The following FBXL17 variants were observed in gnomAD, a reference collection of about 807,000 sequenced individuals.
FBXL17 encodes F-box and leucine rich repeat protein 17.
FBXL17 carries 22 observed loss-of-function variants against 66.2 expected under a neutral mutation model. That is an observed-to-expected ratio of 0.33 (90% CI 0.24 to 0.47). The LOEUF (loss-of-function observed/expected upper bound fraction) is 0.47. Among genes scored for constraint, FBXL17 ranks in the 20% least tolerant of loss-of-function variants. The pLI is 1.00. For missense variants in FBXL17, 878 were observed against 948.2 expected, an observed-to-expected ratio of 0.93 and a Z score of 0.97; for synonymous variants, 474 against 400.5, an observed-to-expected ratio of 1.18 and a Z score of -2.19.
chr5:108,073,018 T>A (rs1332295887), intron 6 of FBXL17, among the ~76,000 whole-genome samples: 2 of 152,204 alleles, frequency 1.3e-5, no homozygotes, highest in Non-Finnish European at 2.9e-5. Context: ...CACATATTTT[T>A]ACCTCAGGAT....
In FBXL17 at chr5:108,314,761, T is replaced by G. The variant is rs548565079; in HGVS notation, c.1506+33638A>C. On this transcript the variant is annotated intron_variant, in intron 4 of 8. Transcript: ENST00000542267. ...AAGAAAGTTATTAAAGTCCTAAGAT[T>G]TATACTACTACTATCCTATGTTTAT... Among the ~76,000 whole-genome samples the G allele has an allele frequency of 1.1e-4, 16 of 151,596 alleles. No homozygotes were observed. The South Asian group carries it at 3.3e-3, about 31-fold the overall frequency.
intron 4 of FBXL17, among the ~76,000 whole-genome samples, chr5:108,300,647 A>G (rs1479812371): frequency 6.6e-6 from 1 of 151,824 alleles, no homozygotes; most frequent in Non-Finnish European, 1.5e-5. Flanking sequence ...GAAAACCTGG[A>G]GGGCAGCTTC....
chr5:108,294,623 C>T (rs1395850764), intron 4 of FBXL17, among the ~76,000 whole-genome samples: 1 of 152,070 alleles, frequency 6.6e-6, no homozygotes, highest in Non-Finnish European at 1.5e-5. Flanking sequence ...TTAACTCTCT[C>T]TCTCTTCTCT....
At chr5:108,254,344 G>A (rs921549152) in intron 4 of FBXL17, among the ~76,000 whole-genome samples, 1 of 152,162 alleles carries the variant, frequency 6.6e-6, no homozygotes, top group Non-Finnish European at 1.5e-5. Context: ...TTTTAGAGGA[G>A]ACAAGAAAGC....
At chr5:108,198,099 T>C (rs1295488277) in intron 5 of FBXL17, among the ~76,000 whole-genome samples, 2 of 152,114 alleles carry the variant, frequency 1.3e-5, no homozygotes, top group Non-Finnish European at 2.9e-5. Flanking sequence ...GATTCTCTAA[T>C]ATGTGGAGAA....
chr5:107,956,727 T>A (rs1397771420), intron 7 of FBXL17, among the ~76,000 whole-genome samples: 1 of 152,086 alleles, frequency 6.6e-6, no homozygotes, highest in Non-Finnish European at 1.5e-5. Context: ...CAGCAGCCAA[T>A]AAAAGAAACT....
chr5:108,093,348 C>T (rs1749256830), intron 6 of FBXL17, among the ~76,000 whole-genome samples: 1 of 151,484 alleles, frequency 6.6e-6, no homozygotes, highest in Non-Finnish European at 1.5e-5. Flanking sequence ...CCCTTGAGTT[C>T]TATAAGAAAA....
At chr5:108,301,500 A>G (rs536896869) in intron 4 of FBXL17, among the ~76,000 whole-genome samples, 4 of 151,872 alleles carry the variant, frequency 2.6e-5, no homozygotes, top group East Asian at 3.9e-4. Flanking sequence ...TCTAATGGGG[A>G]AAAAAAGTAA....
At chr5:108,070,855 C>A (rs1443642326) in intron 6 of FBXL17, among the ~76,000 whole-genome samples, 1 of 152,088 alleles carries the variant, frequency 6.6e-6, no homozygotes, top group Non-Finnish European at 1.5e-5. Context: ...CATGTAACTA[C>A]CACTGGGAAC....
chr5:108,120,149 G>A (rs190493144), intron 6 of FBXL17, among the ~76,000 whole-genome samples: 2 of 152,262 alleles, frequency 1.3e-5, no homozygotes, highest in East Asian at 1.9e-4. Flanking sequence ...TCGTGGGGAA[G>A]GGGAAATGCA....
chr5:108,001,487 T>A (rs1753725769), intron 7 of FBXL17, among the ~76,000 whole-genome samples: 1 of 152,004 alleles, frequency 6.6e-6, no homozygotes, highest in Non-Finnish European at 1.5e-5. Context: ...AGAAGGAAAA[T>A]TAGTTTTTTT....
intron 5 of FBXL17, among the ~76,000 whole-genome samples, chr5:108,223,359 G>T (rs189227200): frequency 1.1e-4 from 17 of 152,254 alleles, no homozygotes; most frequent in East Asian, 9.6e-4. Flanking sequence ...AATGAAGGAA[G>T]GTTGAAGGAA....
chr5:107,989,482 T>C (rs1193678135), intron 7 of FBXL17, among the ~76,000 whole-genome samples: 1 of 152,202 alleles, frequency 6.6e-6, no homozygotes, highest in Non-Finnish European at 1.5e-5. Context: ...TCATTCTTTT[T>C]TATGGCTGAA....
intron 6 of FBXL17, among the ~76,000 whole-genome samples, chr5:108,096,791 AGGAGGGCAGGCCTCATAAGAATGGAT>A (rs1472351411): frequency 2.6e-5 from 4 of 152,180 alleles, no homozygotes; most frequent in Non-Finnish European, 5.9e-5. Context: ...CTCTGGGTTA[AGGAGGGCAGGCCTCATAAGAATGGAT>A]GAAAGGCAAG....
chr5:108,234,574 A>T, intron 4 of FBXL17, among the ~76,000 whole-genome samples: 1 of 152,294 alleles, frequency 6.6e-6, no homozygotes. Context: ...TTTAACCTCC[A>T]GAGAAGTAGA....
intron 6 of FBXL17, among the ~76,000 whole-genome samples, chr5:108,041,936 C>T (rs528108706): frequency 6.6e-6 from 1 of 152,122 alleles, no homozygotes; most frequent in Non-Finnish European, 1.5e-5. Context: ...GAGTTTCGCT[C>T]GTTTCCCATC....
chr5:107,942,021 C>A (rs888049541), intron 7 of FBXL17, among the ~76,000 whole-genome samples: 1 of 152,106 alleles, frequency 6.6e-6, no homozygotes, highest in Non-Finnish European at 1.5e-5. Flanking sequence ...TGTCTGCCAC[C>A]AACTCAAAGG....
intron 7 of FBXL17, among the ~76,000 whole-genome samples, chr5:107,955,146 C>G (rs1205197393): frequency 1.3e-5 from 2 of 151,850 alleles, no homozygotes; most frequent in African/African-American, 4.8e-5. Context: ...TCTTTTATTT[C>G]TTGATTTTTT....
At chr5:108,308,506 T>A (rs2150193194) in intron 4 of FBXL17, among the ~76,000 whole-genome samples, 1 of 152,266 alleles carries the variant, frequency 6.6e-6, no homozygotes, top group Non-Finnish European at 1.5e-5. Context: ...CCTACAAGTA[T>A]ATTCTGCGGT....
Sources: allele counts gnomAD v4.1 joint callset (sites outside exome capture counted in the v4.1 genomes callset), GRCh38; gene constraint gnomAD v4.1.1; transcripts MANE v1.5; gene names NCBI Gene and HGNC (gene_info 2026-07-23, HGNC 2026-07-21).